B3GALT1: variants seen among roughly 807,000 people sequenced by gnomAD.
B3GALT1 encodes UDP-Gal:betaGlcNAc beta 1,3-galactosyltransferase, polypeptide 1.
A neutral mutation model predicts 23.2 loss-of-function variants in B3GALT1; 10 were observed. The observed-to-expected ratio is 0.43, with a 90% CI of 0.27 to 0.73. The LOEUF is 0.73. B3GALT1 is among the 30% of genes least tolerant of loss of function. The pLI, the probability that B3GALT1 is intolerant of heterozygous loss-of-function variation, is 0.21. For missense variants in B3GALT1, 299 were observed against 405.4 expected, an observed-to-expected ratio of 0.74 and a Z score of 2.25; for synonymous variants, 156 against 141.5, an observed-to-expected ratio of 1.10 and a Z score of -0.73.
intron 3 of B3GALT1, among the ~76,000 whole-genome samples, chr2:167,792,369 T>C (rs1688452133): frequency 6.6e-6 from 1 of 152,198 alleles, no homozygotes; most frequent in Non-Finnish European, 1.5e-5. Flanking sequence ...AAGGCATTTG[T>C]AGTTTACTGA....
rs548411572 is a variant in B3GALT1 at position 167,605,298 on chromosome 2, A to T, written c.-409-41611A>T. Reference sequence around the variant, plus strand: ...ATCCCAAACGTAGTGGCTTCAAAAAACAAAACTCTTCTTTTTTTCTTCTGA... The same window carrying T: ...ATCCCAAACGTAGTGGCTTCAAAAATCAAAACTCTTCTTTTTTTCTTCTGA... On this transcript the variant is annotated intron_variant, in intron 2 of 4. Transcript: ENST00000392690. 3.7e-4 allele frequency among the ~76,000 whole-genome samples: 57 copies of T among 152,350 alleles called. 1 individual carries two copies. The highest frequency in any genetic ancestry group is 2.5e-4 in the Non-Finnish European group (17 of 68,032).
At chr2:167,468,708 C>A (rs546588306) in intron 1 of B3GALT1, among the ~76,000 whole-genome samples, 8 of 152,192 alleles carry the variant, frequency 5.3e-5, no homozygotes, top group African/African-American at 1.7e-4. Flanking sequence ...CCCATCTGTA[C>A]TAAGAATACA....
intron 2 of B3GALT1, among the ~76,000 whole-genome samples, chr2:167,568,850 T>C (rs1452652114): frequency 6.6e-6 from 1 of 151,970 alleles, no homozygotes; most frequent in Non-Finnish European, 1.5e-5. Flanking sequence ...TTTTGAGGAT[T>C]TTTATAGTTT....
chr2:167,520,617 G>T (rs1172296482), intron 2 of B3GALT1, among the ~76,000 whole-genome samples: 2 of 152,132 alleles, frequency 1.3e-5, no homozygotes, highest in African/African-American at 4.8e-5. Flanking sequence ...CATGACTTTT[G>T]CTCTTGATTG....
At chr2:167,300,493 G>T (rs191398972) in intron 1 of B3GALT1, among the ~76,000 whole-genome samples, 94 of 152,192 alleles carry the variant, frequency 6.2e-4, no homozygotes, top group African/African-American at 2.1e-3. Flanking sequence ...TAACAGCAAA[G>T]GATTTTAACA....
chr2:167,763,326 T>C (rs1687924085), intron 3 of B3GALT1, among the ~76,000 whole-genome samples: 1 of 152,200 alleles, frequency 6.6e-6, no homozygotes, highest in East Asian at 1.9e-4. Flanking sequence ...TTTTCTCTAA[T>C]TAGCAGTTGG....
At chr2:167,440,113 G>GC in intron 1 of B3GALT1, among the ~76,000 whole-genome samples, 1 of 152,008 alleles carries the variant, frequency 6.6e-6, no homozygotes, top group East Asian at 1.9e-4. Context: ...GGAGGCCGAG[G>GC]CGGGCGGATC....
At chr2:167,406,174 A>G (rs1364671246) in intron 1 of B3GALT1, among the ~76,000 whole-genome samples, 2 of 152,204 alleles carry the variant, frequency 1.3e-5, no homozygotes, top group Non-Finnish European at 2.9e-5. Context: ...TAGAGATTGT[A>G]GAAATAAATG....
At chr2:167,701,713 A>C (rs999255618) in intron 3 of B3GALT1, among the ~76,000 whole-genome samples, 5 of 152,222 alleles carry the variant, frequency 3.3e-5, no homozygotes, top group Non-Finnish European at 7.3e-5. Context: ...GCATAATTGC[A>C]AATAAAATGC....
chr2:167,451,409 C>G lies in B3GALT1; in HGVS notation c.-510-38768C>G, dbSNP rs371832472. Reference sequence around the variant, plus strand: ...TATTTCCTTGATGTAGTACTCTCCCCCTTTTCCTATGGATGTGGCTTCCTG... The same window carrying G: ...TATTTCCTTGATGTAGTACTCTCCCGCTTTTCCTATGGATGTGGCTTCCTG... On this transcript the variant is annotated intron_variant, in intron 1 of 4. Coordinates refer to ENST00000392690, the MANE Select transcript of B3GALT1 (RefSeq NM_020981.4). Among the ~76,000 whole-genome samples, 56 of 152,184 alleles carry G rather than the reference C, an allele frequency of 3.7e-4. 1 individual carries two copies. Among genetic ancestry groups the G allele is most frequent in the African/African-American group, 1.2e-3 (50 of 41,546 alleles).
intron 3 of B3GALT1, among the ~76,000 whole-genome samples, chr2:167,782,281 G>A (rs1349061429): frequency 6.6e-6 from 1 of 152,184 alleles, no homozygotes; most frequent in Admixed American, 6.5e-5. Context: ...AAGAGGAACG[G>A]CGATGCCCCT....
intron 1 of B3GALT1, among the ~76,000 whole-genome samples, chr2:167,385,732 T>C (rs1403698865): frequency 6.6e-6 from 1 of 151,814 alleles, no homozygotes; most frequent in Admixed American, 6.6e-5. Flanking sequence ...ATTAGACACC[T>C]TTTTTTTCAC....
intron 4 of B3GALT1, among the ~76,000 whole-genome samples, chr2:167,854,365 A>G (rs1434162756): frequency 6.6e-6 from 1 of 152,198 alleles, no homozygotes; most frequent in East Asian, 1.9e-4. Flanking sequence ...GGATTTATTA[A>G]CTAACCAGCC....
At chr2:167,803,891 G>A (rs532308886) in intron 3 of B3GALT1, among the ~76,000 whole-genome samples, 5 of 152,236 alleles carry the variant, frequency 3.3e-5, no homozygotes, top group South Asian at 4.1e-4. Context: ...TGTATTTTAC[G>A]TTAATGGAGG....
intron 4 of B3GALT1, among the ~76,000 whole-genome samples, chr2:167,844,967 C>T (rs990765278): frequency 3.9e-5 from 6 of 152,176 alleles, no homozygotes; most frequent in African/African-American, 7.2e-5. Context: ...CTGTGACTGC[C>T]GGCTTTGCCC....
intron 2 of B3GALT1, among the ~76,000 whole-genome samples, chr2:167,624,214 A>C (rs1179190095): frequency 6.6e-6 from 1 of 152,064 alleles, no homozygotes; most frequent in Admixed American, 6.6e-5. Flanking sequence ...GTTTAGATGC[A>C]TTTTCACCAC....
chr2:167,702,942 G>T (rs1461098993), intron 3 of B3GALT1, among the ~76,000 whole-genome samples: 1 of 152,212 alleles, frequency 6.6e-6, no homozygotes, highest in African/African-American at 2.4e-5. Context: ...TGTAAATTAT[G>T]TAAGTGCATC....
At chr2:167,708,198 T>A (rs1054591333) in intron 3 of B3GALT1, among the ~76,000 whole-genome samples, 3 of 152,202 alleles carry the variant, frequency 2.0e-5, no homozygotes, top group African/African-American at 7.2e-5. Flanking sequence ...TAGGAAATAA[T>A]AAAGCCAACA....
At chr2:167,715,509 G>T in intron 3 of B3GALT1, 1 of 1,612,286 alleles carries the variant, frequency 6.2e-7, no homozygotes, top group Non-Finnish European at 8.5e-7. Flanking sequence ...TCAGCTATTT[G>T]TGATTTGAGG....
Sources: gnomAD v4.1 joint callset for allele counts (sites outside exome capture counted in the v4.1 genomes callset) on GRCh38, gnomAD v4.1.1 for gene constraint, MANE v1.5 for transcripts, NCBI Gene and HGNC (gene_info 2026-07-23, HGNC 2026-07-21) for gene names.